SLC35D2: variants seen among roughly 807,000 people sequenced by gnomAD.
The protein encoded by SLC35D2 is solute carrier family 35 member D2, also known as nucleotide sugar transporter SLC35D2.
In SLC35D2, 43 loss-of-function variants were observed where a neutral mutation model predicts 41.8. That is an observed-to-expected ratio of 1.03 (90% CI 0.81 to 1.33). SLC35D2 has a LOEUF of 1.33. Ranked by LOEUF, SLC35D2 falls within the 40% of genes most tolerant of loss-of-function variation. The probability of loss-of-function intolerance (pLI) is 0.00; values close to 1 mark genes in which losing one functional copy is unlikely to be tolerated. For missense variants in SLC35D2, 380 were observed against 408.4 expected (o/e 0.93, Z 0.60); for synonymous variants, 150 against 163.9 (o/e 0.92, Z 0.65).
In SLC35D2 at chr9:96,342,865, G is replaced by A. The variant is rs184666211; in HGVS notation, c.684+1039C>T. Among the ~76,000 whole-genome samples the A allele has an allele frequency of 6.8e-4, 103 of 152,218 alleles. 1 individual carries two copies. In the Middle Eastern group the frequency reaches 0.01, roughly 15 times the overall value. Reference sequence around the variant, plus strand: ...TCAGACCCTAAAAGAGCTGCAAATGGGATTGACTTTCAACTGGTGGGCAAC... The same window carrying A: ...TCAGACCCTAAAAGAGCTGCAAATGAGATTGACTTTCAACTGGTGGGCAAC... On this transcript the variant is annotated intron_variant, in intron 8 of 11. Coordinates refer to ENST00000253270, the MANE Select transcript of SLC35D2 (RefSeq NM_007001.3).
intron 7 of SLC35D2, among the ~76,000 whole-genome samples, chr9:96,344,993 C>A (rs1036135064): frequency 2.6e-5 from 4 of 152,178 alleles, no homozygotes; most frequent in African/African-American, 9.7e-5. Flanking sequence ...GAACAAATAT[C>A]GTGACCCCTG....
At chr9:96,351,875 CATT>C (rs1326304482) in intron 5 of SLC35D2, among the ~76,000 whole-genome samples, 160 bp downstream of exon 5, 2 of 152,168 alleles carry the variant, frequency 1.3e-5, no homozygotes, top group African/African-American at 4.8e-5. Context: ...AAAAATCCCT[CATT>C]AAGTTCTTAG....
downstream of SLC35D2, among the ~76,000 whole-genome samples, chr9:96,317,985 G>A (rs948840031): frequency 1.2e-4 from 18 of 149,920 alleles, no homozygotes; most frequent in Non-Finnish European, 2.5e-4. Context: ...GTAGTGAGCC[G>A]AGATCATGCC....
chr9:96,343,458 G>C (rs1829430986), intron 8 of SLC35D2, among the ~76,000 whole-genome samples: 1 of 152,234 alleles, frequency 6.6e-6, no homozygotes, highest in East Asian at 1.9e-4. Flanking sequence ...ATGCCAAAGT[G>C]TTGAAGCTAG....
chr9:96,325,502 G>A (rs776114828), intron 9 of SLC35D2, among the ~76,000 whole-genome samples: 1 of 152,156 alleles, frequency 6.6e-6, no homozygotes, highest in Non-Finnish European at 1.5e-5. Flanking sequence ...GGCCAACATG[G>A]TGAAACCCTG....
chr9:96,316,502 A>AAG (rs1554707900), downstream of SLC35D2, among the ~76,000 whole-genome samples: 46 of 149,948 alleles, frequency 3.1e-4, no homozygotes, highest in South Asian at 3.4e-3. Flanking sequence ...CAAAAAAAAA[A>AAG]GGGGGGGAAG....
chr9:96,324,931 G>A (rs562417047), intron 9 of SLC35D2, among the ~76,000 whole-genome samples: 4 of 152,266 alleles, frequency 2.6e-5, no homozygotes, highest in East Asian at 1.9e-4. Flanking sequence ...GTGGGGCCCC[G>A]ACCGTGCACG....
At chr9:96,382,496 C>CACACACACTCTATATATATATATATA (rs200897475) in intron 1 of SLC35D2, among the ~76,000 whole-genome samples, 3 of 127,914 alleles carry the variant, frequency 2.3e-5, no homozygotes, top group African/African-American at 8.8e-5. Flanking sequence ...CACACACACA[C>CACACACACTCTATATATATATATATA]TATATATATA....
chr9:96,378,720 T>C (rs1025024972), intron 1 of SLC35D2, among the ~76,000 whole-genome samples: 9 of 151,644 alleles, frequency 5.9e-5, no homozygotes, highest in South Asian at 2.1e-4. Flanking sequence ...ACCTGGGCAA[T>C]AGAGCAAAAC....
At chr9:96,359,160 C>A (rs1830161206) in intron 4 of SLC35D2, among the ~76,000 whole-genome samples, 1 of 151,796 alleles carries the variant, frequency 6.6e-6, no homozygotes, top group Admixed American at 6.6e-5. Context: ...AAAAATTAGC[C>A]GGGCATAGTG....
At chr9:96,368,366 T>A (rs1196533741) in intron 1 of SLC35D2, 61 bp from the exon 2 acceptor site, 10 of 1,207,914 alleles carry the variant, frequency 8.3e-6, no homozygotes, top group Non-Finnish European at 1.1e-5. Flanking sequence ...AGATAGTACA[T>A]AATAAATAAT....
Position 96,364,499 on chromosome 9 carries a change from G to T in SLC35D2, c.244C>A (p.His82Asn), listed in dbSNP as rs1442024167. The change falls in exon 3 of 12, where the codon CAC (histidine) becomes AAC (asparagine). Residue 82 changes from histidine (H) to asparagine (N), a missense_variant. His to Asn is a moderately conservative substitution (Grantham distance 68, BLOSUM62 1). Transcript: ENST00000253270. ...LYVSKLNKII[H>N]FPDFDKKIPV... The stretch of plus-strand genomic sequence containing the variant: ...ATTTTCTTATCAAAATCAGGGAAGT[G>T]AATGATTTTGTTTAGCTTGGACACA... The T allele has an allele frequency of 6.2e-7, 1 of 1,604,688 alleles. No homozygotes were observed. Among genetic ancestry groups the T allele is most frequent in the Non-Finnish European group, 8.5e-7 (1 of 1,172,288 alleles).
At chr9:96,366,260 C>G (rs1341513098) in intron 2 of SLC35D2, among the ~76,000 whole-genome samples, 3 of 145,880 alleles carry the variant, frequency 2.1e-5, no homozygotes, top group Non-Finnish European at 4.5e-5. Context: ...CAAGATCACA[C>G]CACTGTACTC....
chr9:96,335,969 G>C lies in SLC35D2; in HGVS notation c.752+748C>G, dbSNP rs576519121. Among the ~76,000 whole-genome samples the C allele has an allele frequency of 1.3e-4, 19 of 150,264 alleles. No homozygotes were observed. The South Asian group carries it at 3.8e-3, about 30-fold the overall frequency. ...TCGGGAGGCTGAGGCAGAATTGCTT[G>C]AACCTGGGAGGCAGAGGTTGCAGTA... On this transcript the variant is annotated intron_variant, in intron 9 of 11. Transcript: ENST00000253270.
intron 9 of SLC35D2, among the ~76,000 whole-genome samples, chr9:96,327,873 T>C (rs7861965): frequency 0.33 from 48,215 of 147,532 alleles, 7,847 homozygotes; most frequent in Admixed American, 0.38. Context: ...CCTCCCTCTC[T>C]GGCCTCCCAA....
At chr9:96,317,074 C>T (rs1432035811), downstream of SLC35D2, among the ~76,000 whole-genome samples, 2 of 151,158 alleles carry the variant, frequency 1.3e-5, no homozygotes, top group African/African-American at 2.4e-5. Flanking sequence ...GAAGGCGGAG[C>T]TTGTAGTGAG....
intron 6 of SLC35D2, 34 bp downstream of exon 6, chr9:96,351,065 CAAAG>C (rs1490903331): frequency 6.7e-7 from 1 of 1,489,436 alleles, no homozygotes; most frequent in African/African-American, 1.4e-5. Context: ...GTCAAAGACA[CAAAG>C]AAGTTATTGA....
chr9:96,352,756 G>A (rs955631752), intron 4 of SLC35D2, among the ~76,000 whole-genome samples: 2 of 152,040 alleles, frequency 1.3e-5, no homozygotes, highest in East Asian at 1.9e-4. Context: ...AGTCCTGACC[G>A]ACTGGGCACC....
exon 12 of SLC35D2, among the ~76,000 whole-genome samples, chr9:96,313,621 G>A (rs544322962): frequency 6.6e-6 from 1 of 152,310 alleles, no homozygotes; most frequent in South Asian, 2.1e-4. Flanking sequence ...ACTATCTAAT[G>A]TAACCCAAGG....
Sources: gnomAD v4.1 joint callset for allele counts (sites outside exome capture counted in the v4.1 genomes callset) on GRCh38, gnomAD v4.1.1 for gene constraint, MANE v1.5 for transcripts, NCBI Gene and HGNC (gene_info 2026-07-23, HGNC 2026-07-21) for gene names.